The following DNM3 variants were observed in gnomAD, a reference collection of about 807,000 sequenced individuals.
DNM3 encodes the protein dynamin 3.
DNM3 carries 47 observed loss-of-function variants against 101.6 expected under a neutral mutation model. The ratio of observed to expected loss-of-function variants is 0.46; its 90% CI spans 0.37 to 0.59. DNM3 has a LOEUF of 0.59. Among genes scored for constraint, DNM3 ranks in the 20% least tolerant of loss-of-function variants. The probability of loss-of-function intolerance (pLI) is 0.00; values close to 1 mark genes in which losing one functional copy is unlikely to be tolerated. For missense variants in DNM3, 849 were observed against 1,085.7 expected (o/e 0.78, Z 3.06); for synonymous variants, 385 against 387.9 (o/e 0.99, Z 0.09).
intron 15 of DNM3, among the ~76,000 whole-genome samples, chr1:172,268,047 A>G (rs1018735376): frequency 6.6e-6 from 1 of 152,162 alleles, no homozygotes; most frequent in African/African-American, 2.4e-5. Flanking sequence ...AAGCAGGAGG[A>G]GAGCCAGAAG....
intron 2 of DNM3, among the ~76,000 whole-genome samples, chr1:171,962,645 T>C (rs1332058406): frequency 6.6e-6 from 1 of 152,154 alleles, no homozygotes; most frequent in East Asian, 1.9e-4. Context: ...GCAAGAGCTA[T>C]AAGAAGAGAC....
At chr1:172,044,772 T>A (rs2125846539) in intron 9 of DNM3, among the ~76,000 whole-genome samples, 1 of 152,276 alleles carries the variant, frequency 6.6e-6, no homozygotes, top group African/African-American at 2.4e-5. Context: ...TCATAATTAA[T>A]CATTACTTAC....
At chr1:172,117,950 C>T (rs1400568737) in intron 13 of DNM3, among the ~76,000 whole-genome samples, 1 of 152,150 alleles carries the variant, frequency 6.6e-6, no homozygotes, top group Non-Finnish European at 1.5e-5. Flanking sequence ...TGGTAAGCCA[C>T]TCCTCGGGAC....
chr1:172,061,544 T>C (rs12136611), intron 10 of DNM3, among the ~76,000 whole-genome samples: 49,185 of 150,766 alleles, frequency 0.33, 8,668 homozygotes, highest in East Asian at 0.68. Context: ...TCGTGTCCTT[T>C]GTAGGGACAT....
At chr1:172,279,269 G>C (rs1166278344) in intron 15 of DNM3, among the ~76,000 whole-genome samples, 1 of 152,086 alleles carries the variant, frequency 6.6e-6, no homozygotes, top group Non-Finnish European at 1.5e-5. Context: ...AGTAGATTTG[G>C]ATAGTGGACT....
chr1:172,155,040 T>C (rs902813459), intron 14 of DNM3, among the ~76,000 whole-genome samples: 3 of 152,074 alleles, frequency 2.0e-5, no homozygotes, highest in Non-Finnish European at 2.9e-5. Flanking sequence ...GAGAAAAATA[T>C]TCTGGAGGTT....
chr1:172,140,678 A>G (rs1314575876), intron 14 of DNM3: 1 of 152,026 alleles, frequency 6.6e-6, no homozygotes, highest in Non-Finnish European at 1.5e-5. Flanking sequence ...AGATATAAAA[A>G]TTTTTTGAGC....
At chr1:172,090,676 A>AC (rs1475820796) in intron 12 of DNM3, among the ~76,000 whole-genome samples, 12 of 151,920 alleles carry the variant, frequency 7.9e-5, no homozygotes, top group Admixed American at 3.9e-4. Flanking sequence ...TTCACCACCC[A>AC]CCCCCTGCCC....
chr1:171,912,897 C>T (rs183201944), intron 1 of DNM3, among the ~76,000 whole-genome samples: 106 of 152,288 alleles, frequency 7.0e-4, no homozygotes, highest in African/African-American at 2.5e-3. Context: ...TTCCTGGCAG[C>T]CAACTTGGGT....
At chr1:172,336,071 C>T (rs1171867989) in intron 17 of DNM3, among the ~76,000 whole-genome samples, 3 of 152,110 alleles carry the variant, frequency 2.0e-5, no homozygotes, top group South Asian at 2.1e-4. Context: ...TTGTCACAGC[C>T]GGGTTGGGGG....
intron 20 of DNM3, among the ~76,000 whole-genome samples, chr1:172,403,184 AACTAC>A (rs1477169814): frequency 1.3e-5 from 2 of 152,180 alleles, no homozygotes; most frequent in Non-Finnish European, 2.9e-5. Flanking sequence ...AAGAAGACTG[AACTAC>A]ATAGGCCCAT....
At chr1:171,844,849 T>C (rs2031821102) in intron 1 of DNM3, among the ~76,000 whole-genome samples, 1 of 152,214 alleles carries the variant, frequency 6.6e-6, no homozygotes, top group Non-Finnish European at 1.5e-5. Flanking sequence ...AAGAATTGAA[T>C]TTATTCAACT....
At chr1:172,095,787 CT>C (rs2147842179) in intron 13 of DNM3, among the ~76,000 whole-genome samples, 1 of 152,282 alleles carries the variant, frequency 6.6e-6, no homozygotes, top group East Asian at 1.9e-4. Context: ...TCTTTAAAGT[CT>C]AAATTTGCTT....
At chr1:172,264,749 C>T (rs998051809) in intron 15 of DNM3, among the ~76,000 whole-genome samples, 8 of 152,084 alleles carry the variant, frequency 5.3e-5, no homozygotes, top group African/African-American at 1.4e-4. Context: ...TAGATAATCT[C>T]GTCGGTCTTT....
chr1:171,846,150 C>T (rs2032055485), intron 1 of DNM3, among the ~76,000 whole-genome samples: 1 of 152,118 alleles, frequency 6.6e-6, no homozygotes, highest in East Asian at 1.9e-4. Flanking sequence ...AACTTTTCTT[C>T]ATGCAACAAT....
intron 1 of DNM3, among the ~76,000 whole-genome samples, chr1:171,851,955 A>G (rs557978134): frequency 6.6e-6 from 1 of 152,362 alleles, no homozygotes; most frequent in African/African-American, 2.4e-5. Context: ...TCTAGATTAA[A>G]TCTAATATTA....
chr1:171,900,005 G>A (rs1006214782), intron 1 of DNM3, among the ~76,000 whole-genome samples: 1 of 152,222 alleles, frequency 6.6e-6, no homozygotes, highest in Admixed American at 6.5e-5. Flanking sequence ...GGAATATCCA[G>A]GCACTGCAAG....
At chr1:172,038,195 A>C in intron 6 of DNM3, 124 bp from the exon 7 acceptor site, 1 of 1,262,724 alleles carries the variant, frequency 7.9e-7, no homozygotes, top group African/African-American at 1.5e-5. Context: ...AAATGCAGAC[A>C]TAATGTTTGA....
At chr1:172,234,107 G>C (rs1053394971) in intron 14 of DNM3, among the ~76,000 whole-genome samples, 4 of 152,086 alleles carry the variant, frequency 2.6e-5, no homozygotes, top group African/African-American at 9.7e-5. Flanking sequence ...AATTGTCCCT[G>C]TTTGCAGATG....
Sources: gnomAD v4.1 joint callset for allele counts (sites outside exome capture counted in the v4.1 genomes callset) on GRCh38, gnomAD v4.1.1 for gene constraint, MANE v1.5 for transcripts, NCBI Gene and HGNC (gene_info 2026-07-23, HGNC 2026-07-21) for gene names.